Variants in TESK2 observed in about 807,000 individuals in gnomAD.
TESK2 encodes dual specificity testis-specific protein kinase 2.
In TESK2, 39 loss-of-function variants were observed where a neutral mutation model predicts 57.1. The ratio of observed to expected loss-of-function variants is 0.68; its 90% CI spans 0.53 to 0.89. TESK2 has a LOEUF of 0.89. Among genes scored for constraint, TESK2 ranks in the 40% least tolerant of loss-of-function variants. The pLI is 0.00. For synonymous variants in TESK2, 249 were observed against 267.9 expected, an observed-to-expected ratio of 0.93 and a Z score of 0.69; for missense variants, 646 against 732.1, an observed-to-expected ratio of 0.88 and a Z score of 1.36.
At chr1:45,390,147 T>C (rs1426528649) in intron 3 of TESK2, among the ~76,000 whole-genome samples, 2 of 152,012 alleles carry the variant, frequency 1.3e-5, no homozygotes, top group Non-Finnish European at 2.9e-5. Flanking sequence ...AAAAAATTCT[T>C]CCGCCAGGCA....
chr1:45,432,582 T>A (rs901969464), intron 2 of TESK2, among the ~76,000 whole-genome samples: 2 of 149,712 alleles, frequency 1.3e-5, no homozygotes, highest in Admixed American at 6.7e-5. Flanking sequence ...TCCCAGCTAC[T>A]CGGGAGGCTG....
At chr1:45,413,975 C>A in intron 3 of TESK2, 1 of 357,328 alleles carries the variant, frequency 2.8e-6, no homozygotes, top group South Asian at 2.1e-5. Context: ...CAGCAAATTG[C>A]TAAGACAACC....
At chr1:45,435,900 T>G (rs1651183799) in intron 2 of TESK2, among the ~76,000 whole-genome samples, 1 of 151,892 alleles carries the variant, frequency 6.6e-6, no homozygotes, top group African/African-American at 2.4e-5. Context: ...CAAGAAAGTG[T>G]CTTGTCCCCA....
At chr1:45,422,604 C>T (rs534685927) in intron 2 of TESK2, among the ~76,000 whole-genome samples, 8 of 151,860 alleles carry the variant, frequency 5.3e-5, no homozygotes, top group South Asian at 2.1e-4. Flanking sequence ...CCAACACACC[C>T]GGCTAATTTT....
intron 2 of TESK2, among the ~76,000 whole-genome samples, chr1:45,431,160 T>G (rs1238067269): frequency 1.3e-5 from 2 of 152,222 alleles, no homozygotes; most frequent in Non-Finnish European, 2.9e-5. Context: ...GGCTCACGCC[T>G]GCAATCCCAG....
At chr1:45,443,411 C>CA (rs897385670) in intron 2 of TESK2, among the ~76,000 whole-genome samples, 35 of 125,330 alleles carry the variant, frequency 2.8e-4, no homozygotes, top group South Asian at 1.0e-3. Context: ...CTAAAAAATA[C>CA]AAAAAAAAAA....
intron 3 of TESK2, among the ~76,000 whole-genome samples, chr1:45,419,362 T>C (rs1650371355): frequency 6.6e-6 from 1 of 152,168 alleles, no homozygotes; most frequent in African/African-American, 2.4e-5. Context: ...AATGGTGGTG[T>C]CTTAGTTAAT....
intron 1 of TESK2, among the ~76,000 whole-genome samples, chr1:45,484,450 A>AATT (rs1341366030): frequency 6.6e-6 from 1 of 151,738 alleles, no homozygotes; most frequent in Non-Finnish European, 1.5e-5. Flanking sequence ...GAAAGTCTAA[A>AATT]AGAGGCCGAA....
At chr1:45,352,529 G>T (rs1338911721) in intron 5 of TESK2, among the ~76,000 whole-genome samples, 1 of 152,148 alleles carries the variant, frequency 6.6e-6, no homozygotes, top group Non-Finnish European at 1.5e-5. Flanking sequence ...TAGGGAGTGG[G>T]GGCTTTCCTC....
chr1:45,394,628 A>T (rs1649280307), intron 3 of TESK2, among the ~76,000 whole-genome samples: 1 of 138,198 alleles, frequency 7.2e-6, no homozygotes, highest in Admixed American at 7.6e-5. Context: ...AAGCCTTTAA[A>T]CAAATGACTG....
At chr1:45,468,948 T>C (rs888104982) in intron 1 of TESK2, among the ~76,000 whole-genome samples, 2 of 152,366 alleles carry the variant, frequency 1.3e-5, no homozygotes, top group South Asian at 4.1e-4. Context: ...CTTTCAAAAA[T>C]GCCCAAATTA....
At chr1:45,367,900 C>T (rs1648002122) in intron 4 of TESK2, among the ~76,000 whole-genome samples, 1 of 151,410 alleles carries the variant, frequency 6.6e-6, no homozygotes, top group African/African-American at 2.4e-5. Context: ...CTCAGGTGAT[C>T]TACCCACCTC....
intron 5 of TESK2, among the ~76,000 whole-genome samples, chr1:45,354,630 A>G (rs1647329256): frequency 6.6e-6 from 1 of 150,576 alleles, no homozygotes; most frequent in Admixed American, 6.6e-5. Flanking sequence ...AAACAAAACA[A>G]GACCAAAATA....
At chr1:45,415,959 T>C (rs1383757152) in intron 3 of TESK2, among the ~76,000 whole-genome samples, 1 of 152,084 alleles carries the variant, frequency 6.6e-6, no homozygotes, top group East Asian at 1.9e-4. Flanking sequence ...CAATTGTTTG[T>C]TTTAGCTCAT....
intron 4 of TESK2, among the ~76,000 whole-genome samples, chr1:45,379,221 A>C (rs1648553557): frequency 6.6e-6 from 1 of 152,198 alleles, no homozygotes. Flanking sequence ...GCTGGGGTGC[A>C]GTGGCAGAAT....
chr1:45,419,366 A>C (rs1650371563), intron 3 of TESK2, among the ~76,000 whole-genome samples: 1 of 152,208 alleles, frequency 6.6e-6, no homozygotes, highest in Non-Finnish European at 1.5e-5. Flanking sequence ...GTGGTGTCTT[A>C]GTTAATTTAT....
rs373894221 is a variant in TESK2, at chr1:45,431,332, C to T, written c.223-9486G>A. On this transcript the variant is annotated intron_variant, in intron 2 of 10. Coordinates refer to ENST00000372086, the MANE Select transcript of TESK2 (RefSeq NM_007170.3). ...ACTCAGGAGGCTGAGGCAGAAGAAT[C>T]GCTTGAACCCGGGAGACGGAGGTTG... Among the ~76,000 whole-genome samples the T allele has an allele frequency of 1.3e-4, 20 of 152,126 alleles. No individual in the cohort carries two copies. The South Asian group carries it at 4.2e-3, about 32-fold the overall frequency.
chr1:45,443,201 G>A (rs995533806), intron 2 of TESK2, among the ~76,000 whole-genome samples: 6 of 152,048 alleles, frequency 3.9e-5, no homozygotes, highest in Non-Finnish European at 8.8e-5. Context: ...ACTGTGCCCG[G>A]CCAACTAAGG....
At chr1:45,457,121 A>G (rs1652139438) in intron 2 of TESK2, among the ~76,000 whole-genome samples, 1 of 152,106 alleles carries the variant, frequency 6.6e-6, no homozygotes. Flanking sequence ...GTACCCAGCT[A>G]TCAATTTTAC....
Sources: gnomAD v4.1 joint callset for allele counts (sites outside exome capture counted in the v4.1 genomes callset) on GRCh38, gnomAD v4.1.1 for gene constraint, MANE v1.5 for transcripts, NCBI Gene and HGNC (gene_info 2026-07-23, HGNC 2026-07-21) for gene names.